Variants in AUTS2 observed in about 807,000 individuals in gnomAD.
AUTS2 encodes the protein activator of transcription and developmental regulator AUTS2.
In AUTS2, 17 loss-of-function variants were observed where a neutral mutation model predicts 112.4. That is an observed-to-expected ratio of 0.15 (90% CI 0.10 to 0.23). The LOEUF (loss-of-function observed/expected upper bound fraction) is 0.23, where lower values mean the gene tolerates loss of function less well. Ranked by LOEUF, AUTS2 falls within the 10% of genes least tolerant of loss-of-function variation. The pLI is 1.00. For synonymous variants in AUTS2, 751 were observed against 702.7 expected (o/e 1.07, Z -1.09); for missense variants, 1,510 against 1,701.6 (o/e 0.89, Z 1.98).
At chr7:70,450,786 A>G (rs535726242) in intron 5 of AUTS2, among the ~76,000 whole-genome samples, 1 of 152,276 alleles carries the variant, frequency 6.6e-6, no homozygotes, top group South Asian at 2.1e-4. Context: ...ATCTCAACCA[A>G]ACTAATGTGG....
intron 4 of AUTS2, among the ~76,000 whole-genome samples, chr7:70,321,561 CT>C (rs991963106): frequency 6.6e-6 from 1 of 152,088 alleles, no homozygotes; most frequent in Non-Finnish European, 1.5e-5. Context: ...TTTGGAGCAC[CT>C]TTGGGTGTAC....
chr7:69,875,623 A>C (rs772506258), intron 1 of AUTS2, among the ~76,000 whole-genome samples: 8 of 152,176 alleles, frequency 5.3e-5, no homozygotes, highest in Non-Finnish European at 1.0e-4. Context: ...TAGATGGCCT[A>C]TGGTTCATGT....
intron 2 of AUTS2, among the ~76,000 whole-genome samples, chr7:70,067,802 C>G (rs192294062): frequency 1.1e-4 from 16 of 151,544 alleles, no homozygotes; most frequent in Admixed American, 6.6e-4. Context: ...AAAGTGAGCC[C>G]GTGATCACAC....
At chr7:70,157,058 C>T (rs536338751) in intron 4 of AUTS2, among the ~76,000 whole-genome samples, 1 of 151,524 alleles carries the variant, frequency 6.6e-6, no homozygotes, top group South Asian at 2.1e-4. Context: ...GCCCGGGTGA[C>T]ACAGTGCAAG....
At chr7:69,668,031 C>T (rs1796149982) in intron 1 of AUTS2, among the ~76,000 whole-genome samples, 1 of 151,700 alleles carries the variant, frequency 6.6e-6, no homozygotes, top group Non-Finnish European at 1.5e-5. Context: ...GGCTTACTGT[C>T]ACATGACAGA....
chr7:69,918,449 T>C (rs1795679933), intron 2 of AUTS2, among the ~76,000 whole-genome samples: 1 of 152,186 alleles, frequency 6.6e-6, no homozygotes, highest in Admixed American at 6.5e-5. Flanking sequence ...TGTTACGAGG[T>C]AACTTTGCTT....
At chr7:70,256,155 A>T (rs1230899586) in intron 4 of AUTS2, among the ~76,000 whole-genome samples, 7 of 152,208 alleles carry the variant, frequency 4.6e-5, no homozygotes, top group African/African-American at 1.4e-4. Flanking sequence ...GAGTCCCTGA[A>T]GATGAATCCT....
intron 6 of AUTS2, among the ~76,000 whole-genome samples, chr7:70,746,005 G>C (rs1247474544): frequency 6.6e-6 from 1 of 152,126 alleles, no homozygotes; most frequent in African/African-American, 2.4e-5. Flanking sequence ...TTATTATGTG[G>C]TTAAAGAAAT....
chr7:69,849,955 A>C (rs975828349), intron 1 of AUTS2, among the ~76,000 whole-genome samples: 3 of 152,068 alleles, frequency 2.0e-5, no homozygotes, highest in African/African-American at 4.8e-5. Flanking sequence ...TGGGATAAAC[A>C]CTCAGGATTG....
At chr7:70,405,498 A>G (rs1170720240) in intron 4 of AUTS2, among the ~76,000 whole-genome samples, 1 of 152,242 alleles carries the variant, frequency 6.6e-6, no homozygotes, top group Non-Finnish European at 1.5e-5. Flanking sequence ...TTCAGTGCTG[A>G]GTATCTCTCA....
chr7:70,494,830 C>A (rs892917055), intron 5 of AUTS2, among the ~76,000 whole-genome samples: 2 of 152,128 alleles, frequency 1.3e-5, no homozygotes, highest in African/African-American at 2.4e-5. Context: ...TCTCTTGTTA[C>A]ATTTTTTGGC....
At chr7:70,360,840 G>T (rs1277428805) in intron 4 of AUTS2, among the ~76,000 whole-genome samples, 3 of 152,120 alleles carry the variant, frequency 2.0e-5, no homozygotes, top group African/African-American at 4.8e-5. Flanking sequence ...CCTCTAAGCT[G>T]CTCTTTTCTG....
Position 70,139,166 on chromosome 7 carries a change from C to T in AUTS2, c.660+4595C>T, listed in dbSNP as rs1039103341. Among the ~76,000 whole-genome samples, 8 of 152,050 alleles carry T rather than the reference C, an allele frequency of 5.3e-5. No homozygotes were observed. The South Asian group carries it at 1.2e-3, about 24-fold the overall frequency. On this transcript the variant is annotated intron_variant, in intron 4 of 18. Transcript: ENST00000342771. Reference sequence around the variant, plus strand: ...ATTTTTTGTAGAGATGGGGCTCTACCGTGTTGCCAAGGCTGGTCTTGAACT... The same window carrying T: ...ATTTTTTGTAGAGATGGGGCTCTACTGTGTTGCCAAGGCTGGTCTTGAACT...
intron 2 of AUTS2, among the ~76,000 whole-genome samples, chr7:69,909,329 A>G (rs1795265696): frequency 6.6e-6 from 1 of 152,222 alleles, no homozygotes; most frequent in South Asian, 2.1e-4. Context: ...GAATAATTGT[A>G]TTCTAGTATT....
At chr7:69,796,582 T>G (rs1789853857) in intron 1 of AUTS2, among the ~76,000 whole-genome samples, 1 of 151,826 alleles carries the variant, frequency 6.6e-6, no homozygotes, top group Non-Finnish European at 1.5e-5. Context: ...TGCCATGCAG[T>G]CTTTCCCAGA....
intron 2 of AUTS2, among the ~76,000 whole-genome samples, chr7:69,922,784 G>A (rs568071136): frequency 5.9e-5 from 9 of 152,276 alleles, no homozygotes; most frequent in African/African-American, 2.2e-4. Flanking sequence ...CATAGCGTGG[G>A]AAAGGTTACT....
At chr7:69,932,865 T>A (rs1796275348) in intron 2 of AUTS2, among the ~76,000 whole-genome samples, 1 of 152,268 alleles carries the variant, frequency 6.6e-6, no homozygotes, top group Non-Finnish European at 1.5e-5. Flanking sequence ...AGCTACTATT[T>A]TAGCAGAATT....
intron 1 of AUTS2, 116 bp downstream of exon 1, chr7:69,600,078 C>G: frequency 8.3e-7 from 1 of 1,198,320 alleles, no homozygotes; most frequent in Non-Finnish European, 1.2e-6. Context: ...GTCTGTCTGT[C>G]TGTCTGTCTA....
At chr7:70,516,063 G>T (rs530495403) in intron 5 of AUTS2, among the ~76,000 whole-genome samples, 1 of 152,300 alleles carries the variant, frequency 6.6e-6, no homozygotes, top group South Asian at 2.1e-4. Flanking sequence ...TCATTACTGT[G>T]TGTTACTTTA....
Sources: gnomAD v4.1 joint callset for allele counts (sites outside exome capture counted in the v4.1 genomes callset) on GRCh38, gnomAD v4.1.1 for gene constraint, MANE v1.5 for transcripts, NCBI Gene and HGNC (gene_info 2026-07-23, HGNC 2026-07-21) for gene names.